PIEZO2: variants seen among roughly 807,000 people sequenced by gnomAD.
The protein encoded by PIEZO2 is piezo type mechanosensitive ion channel component 2.
A neutral mutation model predicts 337.3 loss-of-function variants in PIEZO2; 172 were observed. The observed-to-expected ratio is 0.51, with a 90% CI of 0.45 to 0.58. The LOEUF (loss-of-function observed/expected upper bound fraction) is 0.58. Ranked by LOEUF, PIEZO2 falls within the 20% of genes least tolerant of loss-of-function variation. The pLI is 0.00. For synonymous variants in PIEZO2, 1,251 were observed against 1,228.5 expected, an observed-to-expected ratio of 1.02 and a Z score of -0.38; for missense variants, 3,028 against 3,391.3, an observed-to-expected ratio of 0.89 and a Z score of 2.66.
chr18:10,815,236 T>C lies in PIEZO2; in HGVS notation c.918-7962A>G, dbSNP rs2040327166. On this transcript the variant is annotated intron_variant, in intron 7 of 55. Coordinates refer to ENST00000674853, the MANE Select transcript of PIEZO2 (RefSeq NM_001378183.1). The surrounding 1 kb of genome is among the most constrained non-coding windows in gnomAD (Gnocchi z 4.1). ...ACTTAGTATTTTAAAGCACACCTTT[T>C]AAATGAAATTGCCTTAGCATGAACT... Among the ~76,000 whole-genome samples, 1 of 152,238 alleles carries C rather than the reference T, an allele frequency of 6.6e-6. No individual in the cohort carries two copies. Among genetic ancestry groups the C allele is most frequent in the South Asian group, 2.1e-4 (1 of 4,834 alleles).
At chr18:10,900,916 A>G (rs1272468389) in intron 4 of PIEZO2, among the ~76,000 whole-genome samples, 1 of 152,240 alleles carries the variant, frequency 6.6e-6, no homozygotes, top group African/African-American at 2.4e-5. Flanking sequence ...CCCTGGACCC[A>G]TGCTAATTAT....
chr18:11,130,277 G>C (rs183437432), intron 1 of PIEZO2, among the ~76,000 whole-genome samples: 1 of 152,372 alleles, frequency 6.6e-6, no homozygotes. Flanking sequence ...TGCAGCTGCT[G>C]TACCAGATGT....
chr18:11,124,155 T>C (rs986105036), intron 1 of PIEZO2, among the ~76,000 whole-genome samples: 1 of 152,186 alleles, frequency 6.6e-6, no homozygotes, highest in Non-Finnish European at 1.5e-5. Flanking sequence ...ACATATGTGT[T>C]GAATGAATGA....
chr18:10,874,577 A>T (rs2144808096), intron 4 of PIEZO2, among the ~76,000 whole-genome samples: 1 of 152,286 alleles, frequency 6.6e-6, no homozygotes, highest in Non-Finnish European at 1.5e-5. Context: ...GTCCATCAAC[A>T]CTCAAGAATC....
At chr18:10,803,759 A>G (rs1250533626) in intron 9 of PIEZO2, 116 bp downstream of exon 9, 1 of 1,315,010 alleles carries the variant, frequency 7.6e-7, no homozygotes, top group Non-Finnish European at 1.0e-6. Flanking sequence ...TGTTTCTATA[A>G]ACTACAAGCA....
Position 10,759,731 on chromosome 18 carries a change from A to G in PIEZO2, c.3629T>C (p.Ile1210Thr), listed in dbSNP as rs775333233. ...TCGGCAAGGAGCAGGTGGGATGCCAATGCAGATGAAATACTGGAAGGTGAT... is the reference window on the plus strand; with the variant it reads ...TCGGCAAGGAGCAGGTGGGATGCCAGTGCAGATGAAATACTGGAAGGTGAT... The part of the protein sequence containing the change: ...CIITFQYFIC[I>T]GIPPAPCRDY... Residue 1210 changes from isoleucine to threonine, a missense_variant, in exon 25 of 56, where the codon ATT (isoleucine) becomes ACT (threonine). Physicochemically the swap from Ile to Thr is moderately conservative, Grantham distance 89. Transcript: ENST00000674853. The surrounding 1 kb of genome is among the most constrained non-coding windows in gnomAD (Gnocchi z 5.5). The G allele has an allele frequency of 1.1e-4, 166 of 1,537,192 alleles. 2 individuals carry two copies. The highest frequency in any genetic ancestry group is 9.0e-4 in the South Asian group (76 of 84,068).
At chr18:10,928,053 G>C (rs264264) in intron 3 of PIEZO2, among the ~76,000 whole-genome samples, 1 of 151,998 alleles carries the variant, frequency 6.6e-6, no homozygotes, top group Admixed American at 6.6e-5. Context: ...GTGTGGTGAC[G>C]CCCCACTCAT....
chr18:10,880,224 T>G (rs1399530415), intron 4 of PIEZO2, among the ~76,000 whole-genome samples: 1 of 152,230 alleles, frequency 6.6e-6, no homozygotes, highest in African/African-American at 2.4e-5. Context: ...ATTGAGGCAC[T>G]GATGGCCATG....
chr18:10,726,516 GGCGCGCT>G lies in PIEZO2; in HGVS notation c.5029+4884_5029+4890del. 1 of 1,482,560 alleles carries G rather than the reference GGCGCGCT, an allele frequency of 6.7e-7. No individual in the cohort carries two copies. Among genetic ancestry groups the G allele is most frequent in the East Asian group, 2.5e-5 (1 of 40,388 alleles). 91.8% of individuals were successfully genotyped at this position (1,482,560 alleles called of 1,614,324 possible). A position where few individuals can be genotyped will look rare whatever the true frequency, so the allele number is the denominator to read the frequency against. On this transcript the variant is annotated intron_variant, in intron 36 of 55. Transcript: ENST00000674853. The surrounding 1 kb of genome is among the most constrained non-coding windows in gnomAD (Gnocchi z 5.9). The stretch of plus-strand genomic sequence containing the variant: ...CTGCTCCGCAAGCAGCCGTTCCTGT[GGCGCGCT>G]GCGCTGCTCTGCTCTGCTACACCAG...
intron 2 of PIEZO2, among the ~76,000 whole-genome samples, chr18:11,063,823 G>A (rs1424612569): frequency 1.3e-5 from 2 of 152,112 alleles, no homozygotes; most frequent in Non-Finnish European, 1.5e-5. Flanking sequence ...AACACACACT[G>A]GAAAGTCTGA....
chr18:11,075,596 G>A (rs1000318197), intron 1 of PIEZO2, among the ~76,000 whole-genome samples: 2 of 152,246 alleles, frequency 1.3e-5, no homozygotes, highest in South Asian at 2.1e-4. Context: ...TGTCCCAGGT[G>A]CTTCCTACAG....
At chr18:10,919,141 A>G (rs1019465821) in intron 3 of PIEZO2, among the ~76,000 whole-genome samples, 1 of 152,110 alleles carries the variant, frequency 6.6e-6, no homozygotes, top group Non-Finnish European at 1.5e-5. Context: ...TTAGTAATAA[A>G]ATAAATTTTC....
At chr18:10,909,600 T>G (rs997990603) in intron 4 of PIEZO2, among the ~76,000 whole-genome samples, 2 of 152,204 alleles carry the variant, frequency 1.3e-5, no homozygotes, top group African/African-American at 4.8e-5. Context: ...TGACATAGTA[T>G]CTGAGAACTT....
At position 10,770,131 on chromosome 18, in the gene PIEZO2, G is replaced by C; in HGVS notation, c.2946+17C>G. The C allele has an allele frequency of 1.3e-6, 2 of 1,536,716 alleles. No individual in the cohort carries two copies. Among genetic ancestry groups the C allele is most frequent in the African/African-American group, 1.4e-5 (1 of 73,116 alleles). ...GTGGTTCTGTTCAGCCTGATGATAG[G>C]ACAAATGTTCACTTGCCTCTTTCAC... is the stretch of plus-strand genomic sequence containing the variant. On this transcript the variant is annotated intron_variant, in intron 21 of 55. Transcript: ENST00000674853.
Position 10,698,986 on chromosome 18 carries a change from G to A in PIEZO2, c.6633C>T (p.Arg2211=). ...PEQQTAVRRK[R]SGSSSEPSQR... Reference sequence around the variant, plus strand: ...GGGATGGCTCGGAGCTGCTGCCGGAGCGCTTCCTCCGGACAGCTGTCTGCT... The same window carrying A: ...GGGATGGCTCGGAGCTGCTGCCGGAACGCTTCCTCCGGACAGCTGTCTGCT... The change falls in exon 44 of 56, where the codon CGC becomes CGT. Residue 2211 remains arginine (R), a synonymous_variant. Transcript: ENST00000674853. 3 of 1,536,952 alleles carry A rather than the reference G, an allele frequency of 2.0e-6. No individual in the cohort carries two copies. The highest frequency in any genetic ancestry group is 2.6e-6 in the Non-Finnish European group (3 of 1,146,916).
chr18:10,894,684 C>T lies in PIEZO2; in HGVS notation c.329+16502G>A, dbSNP rs1298588378. ...CCGGACGTATGCCAACGCATAAAAC[C>T]CCAAGTCAAAAGCTCAAACCACACA... On this transcript the variant is annotated intron_variant, in intron 4 of 55. Transcript: ENST00000674853. The surrounding 1 kb of genome is among the most constrained non-coding windows in gnomAD (Gnocchi z 4.1). The T allele has an allele frequency of 6.6e-6, 1 of 152,206 alleles. No individual in the cohort carries two copies. The highest frequency in any genetic ancestry group is 2.4e-5 in the African/African-American group (1 of 41,426). 9.4% of individuals were successfully genotyped at this position (152,206 alleles called of 1,614,324 possible).
rs552511565 is a variant in PIEZO2, at chr18:11,109,923, T to A, written c.64+38602A>T. Among the ~76,000 whole-genome samples the A allele has an allele frequency of 2.0e-4, 31 of 152,340 alleles. No homozygotes were observed. The highest frequency in any genetic ancestry group is 1.5e-3 in the Admixed American group (23 of 15,304). On this transcript the variant is annotated intron_variant, in intron 1 of 55. Coordinates refer to ENST00000674853, the MANE Select transcript of PIEZO2 (RefSeq NM_001378183.1). The surrounding 1 kb of genome is among the most constrained non-coding windows in gnomAD (Gnocchi z 5.1). ...ATCTAAAGTGGAACGGAAGAATTTA[T>A]TTTTTAATCAGAAGTCAGACAGAAA...
At chr18:11,072,847 C>A (rs895133576) in intron 1 of PIEZO2, among the ~76,000 whole-genome samples, 1 of 152,076 alleles carries the variant, frequency 6.6e-6, no homozygotes, top group Non-Finnish European at 1.5e-5. Context: ...AGGTCAAGGC[C>A]GGGCTAGGAT....
chr18:10,841,658 G>T (rs781552084), intron 7 of PIEZO2, among the ~76,000 whole-genome samples: 7 of 152,178 alleles, frequency 4.6e-5, no homozygotes, highest in African/African-American at 1.7e-4. Context: ...TGAATGGGGG[G>T]CTTGCCCTTC....
Sources: gnomAD v4.1 joint callset for allele counts (sites outside exome capture counted in the v4.1 genomes callset) on GRCh38, gnomAD v4.1.1 for gene constraint, Gnocchi (gnomAD v3.1) non-coding constraint, MANE v1.5 for transcripts, NCBI Gene and HGNC (gene_info 2026-07-23, HGNC 2026-07-21) for gene names.